The following DCDC2 variants were observed in gnomAD, a reference collection of about 807,000 sequenced individuals.
The protein encoded by DCDC2 is doublecortin domain-containing protein 2.
In DCDC2, 40 loss-of-function variants were observed where a neutral mutation model predicts 50.2. The observed-to-expected ratio is 0.80, with a 90% CI of 0.62 to 1.04. DCDC2 has a LOEUF of 1.04. Among genes scored for constraint, DCDC2 ranks in the 50% least tolerant of loss-of-function variants. The pLI is 0.00. For missense variants in DCDC2, 570 were observed against 581.9 expected, an observed-to-expected ratio of 0.98 and a Z score of 0.21; for synonymous variants, 234 against 210.6, an observed-to-expected ratio of 1.11 and a Z score of -0.96.
At chr6:24,213,059 T>A (rs1761905924) in intron 7 of DCDC2, among the ~76,000 whole-genome samples, 1 of 152,202 alleles carries the variant, frequency 6.6e-6, no homozygotes, top group African/African-American at 2.4e-5. Flanking sequence ...AGTTACCCAA[T>A]AATTAATGAT....
intron 7 of DCDC2, among the ~76,000 whole-genome samples, chr6:24,276,062 G>A (rs946248397): frequency 6.6e-6 from 1 of 151,688 alleles, no homozygotes; most frequent in Non-Finnish European, 1.5e-5. Flanking sequence ...TTGTAGAAAC[G>A]GGTTTTGGCT....
At chr6:24,303,335 T>G (rs796086638) in intron 2 of DCDC2, among the ~76,000 whole-genome samples, 6 of 152,094 alleles carry the variant, frequency 3.9e-5, no homozygotes, top group African/African-American at 1.4e-4. Flanking sequence ...TGCCCTCATC[T>G]CCTACCAACA....
At chr6:24,204,403 T>C (rs1236157520) in intron 8 of DCDC2, among the ~76,000 whole-genome samples, 1 of 151,970 alleles carries the variant, frequency 6.6e-6, no homozygotes, top group Non-Finnish European at 1.5e-5. Flanking sequence ...AACCAAACAC[T>C]ACACATTCTC....
chr6:24,260,940 A>G (rs72830851), intron 7 of DCDC2, among the ~76,000 whole-genome samples: 2 of 152,238 alleles, frequency 1.3e-5, no homozygotes, highest in African/African-American at 2.4e-5. Flanking sequence ...TCTGGTACCA[A>G]TGTGGGGTAA....
chr6:24,314,476 C>CAAAAA (rs199914901), intron 2 of DCDC2, among the ~76,000 whole-genome samples: 2 of 140,118 alleles, frequency 1.4e-5, no homozygotes, highest in African/African-American at 2.9e-5. Flanking sequence ...GACGTTGTCT[C>CAAAAA]AAAAAAAACA....
chr6:24,173,451 T>TATGAATAAATA lies in DCDC2; in HGVS notation c.*1278_*1279insTATTTATTCAT, dbSNP rs1760831994. 3 of 152,132 alleles carry TATGAATAAATA rather than the reference T, an allele frequency of 2.0e-5. No individual in the cohort carries two copies. Among genetic ancestry groups the TATGAATAAATA allele is most frequent in the African/African-American group, 7.2e-5 (3 of 41,458 alleles). 9.4% of individuals were successfully genotyped at this position (152,132 alleles called of 1,614,324 possible). A position where few individuals can be genotyped will look rare whatever the true frequency, so the allele number is the denominator to read the frequency against. ...TCCACATAATTAAAAATATATCCTT[T>TATGAATAAATA]AAGAAAAATATATTATTTCTATATT... On this transcript the variant is annotated 3_prime_UTR_variant, in exon 10 of 10. Transcript: ENST00000378454.
intron 2 of DCDC2, among the ~76,000 whole-genome samples, chr6:24,351,800 C>T (rs9467121): frequency 2.5e-3 from 374 of 152,132 alleles, no homozygotes; most frequent in African/African-American, 8.6e-3. Flanking sequence ...GTGAATGCTT[C>T]TGTTATTAAA....
At chr6:24,345,912 G>T (rs1254653176) in intron 2 of DCDC2, among the ~76,000 whole-genome samples, 1 of 152,150 alleles carries the variant, frequency 6.6e-6, no homozygotes, top group Non-Finnish European at 1.5e-5. Context: ...GGGCATGGTG[G>T]CTCACACCTG....
At chr6:24,220,891 TGAGCGAGCGAGCGAGAGAGTGAGC>T (rs1561895567) in intron 7 of DCDC2, among the ~76,000 whole-genome samples, 1 of 98,970 alleles carries the variant, frequency 1.0e-5, no homozygotes, top group South Asian at 3.2e-4. Context: ...AGCGAGAGAG[TGAGCGAGCGAGCGAGAGAGTGAGC>T]GAGCGAGCGA....
intron 1 of DCDC2, among the ~76,000 whole-genome samples, chr6:24,355,726 AG>A (rs1760455099): frequency 6.6e-6 from 1 of 152,142 alleles, no homozygotes; most frequent in South Asian, 2.1e-4. Context: ...GCTTCAGGGG[AG>A]GGAAAAATAA....
chr6:24,371,094 A>C, the DCDC2 span, among the ~76,000 whole-genome samples: 1 of 151,152 alleles, frequency 6.6e-6, no homozygotes. Context: ...TAGCCAACAT[A>C]GTGAAACCCT....
intron 7 of DCDC2, among the ~76,000 whole-genome samples, chr6:24,220,986 T>C (rs1397565104): frequency 1.8e-5 from 1 of 56,120 alleles, no homozygotes; most frequent in Non-Finnish European, 3.5e-5. Flanking sequence ...ACTCCCTCAC[T>C]ATCATGAGAA....
intron 4 of DCDC2, among the ~76,000 whole-genome samples, chr6:24,297,301 G>A (rs1759273260): frequency 6.6e-6 from 1 of 152,076 alleles, no homozygotes; most frequent in Admixed American, 6.6e-5. Flanking sequence ...AGGCACTGGG[G>A]CCTACTTGAG....
intron 2 of DCDC2, among the ~76,000 whole-genome samples, chr6:24,349,137 T>C (rs377142551): frequency 6.6e-6 from 1 of 152,222 alleles, no homozygotes; most frequent in Non-Finnish European, 1.5e-5. Context: ...AGATCTACAA[T>C]GCCAGGTCAA....
chr6:24,269,196 A>G (rs147224789), intron 7 of DCDC2, among the ~76,000 whole-genome samples: 30 of 152,362 alleles, frequency 2.0e-4, no homozygotes, highest in Admixed American at 1.3e-3. Context: ...CCTGTCTCAT[A>G]GTGCCAAGCA....
chr6:24,214,349 T>A (rs189059848), intron 7 of DCDC2, among the ~76,000 whole-genome samples: 31 of 152,338 alleles, frequency 2.0e-4, no homozygotes, highest in Non-Finnish European at 3.4e-4. Context: ...TTATTATCAT[T>A]GATTTCCCAG....
chr6:24,305,724 G>A (rs190644036), intron 2 of DCDC2, among the ~76,000 whole-genome samples: 33 of 152,180 alleles, frequency 2.2e-4, no homozygotes, highest in Non-Finnish European at 4.4e-4. Context: ...CCCTTGCACT[G>A]TAAACATAAA....
chr6:24,201,741 T>C lies in DCDC2; in HGVS notation c.1023+3261A>G, dbSNP rs149576816. The stretch of plus-strand genomic sequence containing the variant: ...TGGTTTTTTGAAAAGATTAACAAAA[T>C]AGACCACTAGCCAGACTAATAAGAG... On this transcript the variant is annotated intron_variant, in intron 8 of 9. Coordinates refer to ENST00000378454, the MANE Select transcript of DCDC2 (RefSeq NM_016356.5). Among the ~76,000 whole-genome samples, 108 of 152,068 alleles carry C rather than the reference T, an allele frequency of 7.1e-4. No homozygotes were observed. The South Asian group carries it at 0.018, about 26-fold the overall frequency.
At chr6:24,200,696 C>G (rs910381617) in intron 8 of DCDC2, among the ~76,000 whole-genome samples, 5 of 152,032 alleles carry the variant, frequency 3.3e-5, no homozygotes, top group Non-Finnish European at 7.4e-5. Flanking sequence ...TTAAAAGACA[C>G]AGACTGCCAA....
Sources: allele counts gnomAD v4.1 joint callset (sites outside exome capture counted in the v4.1 genomes callset), GRCh38; gene constraint gnomAD v4.1.1; transcripts MANE v1.5; gene names NCBI Gene and HGNC (gene_info 2026-07-23, HGNC 2026-07-21).